Variants in NME5 observed in about 807,000 individuals in gnomAD.
The protein encoded by NME5 is nucleoside diphosphate kinase 5.
NME5 carries 18 observed loss-of-function variants against 21.6 expected under a neutral mutation model. The ratio of observed to expected loss-of-function variants is 0.83; its 90% CI spans 0.58 to 1.24. The LOEUF (loss-of-function observed/expected upper bound fraction) is 1.24, where lower values mean the gene tolerates loss of function less well. NME5 is among the 50% of genes most tolerant of loss of function. The probability of loss-of-function intolerance (pLI) is 0.00; values close to 1 mark genes in which losing one functional copy is unlikely to be tolerated. For missense variants in NME5, 223 were observed against 255.4 expected, an observed-to-expected ratio of 0.87 and a Z score of 0.86; for synonymous variants, 70 against 80.6, an observed-to-expected ratio of 0.87 and a Z score of 0.71.
Position 138,128,559 on chromosome 5 carries a change from G to A in NME5, c.356C>T (p.Thr119Ile). 6.2e-7 allele frequency: 1 copy of A among 1,611,490 alleles called. No homozygotes were observed. Among genetic ancestry groups the A allele is most frequent in the Non-Finnish European group, 8.5e-7 (1 of 1,179,224 alleles). ...ATGAAGTGCATTCCTTAGGTCATCTGTGCCATAAATTGCCCTCAGACTAAA... is the reference window on the plus strand; with the variant it reads ...ATGAAGTGCATTCCTTAGGTCATCTATGCCATAAATTGCCCTCAGACTAAA... ...HPDSLRAIYG[T>I]DDLRNALHGS... The change falls in exon 4 of 6, where the codon ACA becomes ATA. Residue 119 changes from threonine to isoleucine, a missense_variant. Physicochemically the swap from Thr to Ile is moderately conservative, Grantham distance 89 (BLOSUM62 -1). Transcript: ENST00000265191.
intron 2 of NME5, among the ~76,000 whole-genome samples, chr5:138,136,125 T>C (rs1751692378): frequency 6.6e-6 from 1 of 152,194 alleles, no homozygotes; most frequent in Non-Finnish European, 1.5e-5. Flanking sequence ...AAGTAAACAA[T>C]GCTGCAAAAA....
At chr5:138,137,063 C>T (rs948045946) in intron 2 of NME5, among the ~76,000 whole-genome samples, 1 of 150,684 alleles carries the variant, frequency 6.6e-6, no homozygotes, top group Non-Finnish European at 1.5e-5. Flanking sequence ...TCTTCCTGAA[C>T]TTACATGGTT....
chr5:138,131,930 GAC>G (rs1371245411), intron 2 of NME5, among the ~76,000 whole-genome samples: 2 of 152,096 alleles, frequency 1.3e-5, no homozygotes, highest in Non-Finnish European at 2.9e-5. Flanking sequence ...TTTTAGTAGA[GAC>G]AGGTTTTTCG....
Position 138,126,976 on chromosome 5 carries a change from G to A in NME5, c.436+1503C>T, listed in dbSNP as rs557182360. ...AGATAAATAAATAATAAAAGCTAAC[G>A]AGCAAAAGTCTAATTCACTTGTAAG... On this transcript the variant is annotated intron_variant, in intron 4 of 5. Coordinates refer to ENST00000265191, the MANE Select transcript of NME5 (RefSeq NM_003551.3). Among the ~76,000 whole-genome samples, 6 of 151,978 alleles carry A rather than the reference G, an allele frequency of 3.9e-5. No homozygotes were observed. In the South Asian group the frequency reaches 1.0e-3, roughly 26 times the overall value.
At chr5:138,122,486 T>C (rs1218173954) in intron 4 of NME5, among the ~76,000 whole-genome samples, 1 of 133,200 alleles carries the variant, frequency 7.5e-6, no homozygotes, top group Non-Finnish European at 1.6e-5. Context: ...CTAAATATTA[T>C]ATTATTTTTA....
At chr5:138,132,761 G>C (rs1751597974) in intron 2 of NME5, among the ~76,000 whole-genome samples, 1 of 152,074 alleles carries the variant, frequency 6.6e-6, no homozygotes, top group Admixed American at 6.6e-5. Context: ...AGGACCCACT[G>C]GATTCTCACC....
At chr5:138,137,359 C>T (rs1751722370) in intron 2 of NME5, among the ~76,000 whole-genome samples, 1 of 151,722 alleles carries the variant, frequency 6.6e-6, no homozygotes, top group Non-Finnish European at 1.5e-5. Flanking sequence ...CCTCTATTGC[C>T]CAGGCTGGAG....
At position 138,128,587 on chromosome 5, in the gene NME5, CA is replaced by C; in HGVS notation, c.336-9del. 6.3e-7 allele frequency: 1 copy of C among 1,595,836 alleles called. No individual in the cohort carries two copies. The highest frequency in any genetic ancestry group is 8.6e-7 in the Non-Finnish European group (1 of 1,168,030). ...CCATAAATTGCCCTCAGACTAAAAA[CA>C]AGTTAGAGATGACGTCCATCCAATC... is the stretch of plus-strand genomic sequence containing the variant. On this transcript the variant is annotated splice_polypyrimidine_tract_variant and intron_variant, in intron 3 of 5. Coordinates refer to ENST00000265191, the MANE Select transcript of NME5 (RefSeq NM_003551.3).
intron 4 of NME5, among the ~76,000 whole-genome samples, chr5:138,121,825 G>A (rs1436228202): frequency 6.6e-6 from 1 of 152,004 alleles, no homozygotes; most frequent in African/African-American, 2.4e-5. Flanking sequence ...AGTATGCATG[G>A]ACTTTTAAAA....
chr5:138,118,725 G>A lies in NME5; in HGVS notation c.555+93C>T, dbSNP rs547181481. The A allele has an allele frequency of 4.3e-5, 31 of 726,616 alleles. 1 individual carries two copies. The highest frequency in any genetic ancestry group is 1.3e-4 in the Admixed American group (6 of 46,236). The allele number at this position is 726,616 out of a possible 1,614,324, so 45.0% of individuals were successfully genotyped here. ...GTCTCAAACTCCTGACCTCGGATCC[G>A]CCCGCCTTGGCCTCCCAAAGTGCTG... On this transcript the variant is annotated intron_variant, in intron 5 of 5. Transcript: ENST00000265191.
At chr5:138,134,387 G>A (rs973443351) in intron 2 of NME5, among the ~76,000 whole-genome samples, 7 of 152,118 alleles carry the variant, frequency 4.6e-5, no homozygotes, top group Non-Finnish European at 8.8e-5. Flanking sequence ...GGGATTACAG[G>A]CTCCCACCAC....
In NME5 at chr5:138,138,649, T is replaced by TA; in HGVS notation, c.129+2dup. 1 of 1,609,494 alleles carries TA rather than the reference T, an allele frequency of 6.2e-7. No homozygotes were observed. The highest frequency in any genetic ancestry group is 8.5e-7 in the Non-Finnish European group (1 of 1,178,858). ...AGCATGAATCATCATACCCAGAAGT[T>TA]ACCTGAACAATGGTGAATCCGGATC... is the stretch of plus-strand genomic sequence containing the variant. On this transcript the variant is annotated splice_region_variant and intron_variant, in intron 2 of 5. Transcript: ENST00000265191.
Position 138,132,576 on chromosome 5 carries a change from GAGTA to G in NME5, c.130-3112_130-3109del, listed in dbSNP as rs1751593938. ...TCTAAAATGTCTTAGATTTTCCTGA[GAGTA>G]AGTGTGAATTTTACCAAGTAACTCA... On this transcript the variant is annotated intron_variant, in intron 2 of 5. Transcript: ENST00000265191. 3.3e-5 allele frequency among the ~76,000 whole-genome samples: 5 copies of G among 152,286 alleles called. No individual in the cohort carries two copies. In the South Asian group the frequency reaches 1.0e-3, roughly 32 times the overall value.
intron 2 of NME5, among the ~76,000 whole-genome samples, chr5:138,130,921 G>A (rs555743523): frequency 3.4e-5 from 5 of 149,252 alleles, no homozygotes; most frequent in East Asian, 2.0e-4. Flanking sequence ...GCGAGACTCC[G>A]TCTAAAAAAA....
At chr5:138,128,446 A>G in intron 4 of NME5, 33 bp downstream of exon 4, 1 of 1,421,104 alleles carries the variant, frequency 7.0e-7, no homozygotes, top group Non-Finnish European at 9.9e-7. Flanking sequence ...CAATAAGGAG[A>G]TGCAGTTGAC....
intron 4 of NME5, among the ~76,000 whole-genome samples, chr5:138,124,599 C>T (rs753428119): frequency 6.6e-6 from 1 of 152,166 alleles, no homozygotes; most frequent in Non-Finnish European, 1.5e-5. Context: ...CAGCTCACTG[C>T]GGCCTCGACC....
chr5:138,121,422 A>T (rs567526173), intron 4 of NME5, among the ~76,000 whole-genome samples: 1 of 152,260 alleles, frequency 6.6e-6, no homozygotes, highest in South Asian at 2.1e-4. Flanking sequence ...TGTCTCAAAA[A>T]AAAAGGAAAC....
intron 4 of NME5, chr5:138,127,287 C>T (rs1751447729): frequency 3.8e-6 from 1 of 259,748 alleles, no homozygotes; most frequent in South Asian, 1.5e-4. Context: ...CCTGTTGGCA[C>T]TAAAAAGTAA....
intron 4 of NME5, 25 bp from the exon 5 acceptor site, chr5:138,118,961 T>TATGTTTGCATCAATGA: frequency 2.4e-6 from 3 of 1,274,608 alleles, no homozygotes; most frequent in Non-Finnish European, 3.4e-6. Flanking sequence ...GTATTCTCAT[T>TATGTTTGCATCAATGA]GATGCAAACA....
Sources: gnomAD v4.1 joint callset for allele counts (sites outside exome capture counted in the v4.1 genomes callset) on GRCh38, gnomAD v4.1.1 for gene constraint, MANE v1.5 for transcripts, NCBI Gene and HGNC (gene_info 2026-07-23, HGNC 2026-07-21) for gene names.